Variants in TMEFF2 observed in about 807,000 individuals in gnomAD.
The protein encoded by TMEFF2 is transmembrane protein with EGF like and two follistatin like domains 2, also known as tomoregulin-2.
TMEFF2 carries 28 observed loss-of-function variants against 53.8 expected under a neutral mutation model. The ratio of observed to expected loss-of-function variants is 0.52; its 90% CI spans 0.39 to 0.71. The LOEUF is 0.71. Ranked by LOEUF, TMEFF2 falls within the 30% of genes least tolerant of loss-of-function variation. The pLI is 0.00. For synonymous variants in TMEFF2, 162 were observed against 166.3 expected, an observed-to-expected ratio of 0.97 and a Z score of 0.20; for missense variants, 353 against 455.2, an observed-to-expected ratio of 0.78 and a Z score of 2.04.
intron 7 of TMEFF2, among the ~76,000 whole-genome samples, chr2:191,974,328 G>A (rs1194738994): frequency 6.6e-6 from 1 of 152,078 alleles, no homozygotes; most frequent in Non-Finnish European, 1.5e-5. Context: ...AGTTGAGTCT[G>A]TAGGTACAGT....
rs535459438 is a variant in TMEFF2, at chr2:192,039,045, G to GC, written c.536+18633dup. 2.6e-3 allele frequency among the ~76,000 whole-genome samples: 398 copies of GC among 150,998 alleles called. 3 individuals are homozygous for GC. The highest frequency in any genetic ancestry group is 0.012 in the South Asian group (59 of 4,764). Reference sequence around the variant, plus strand: ...GGTCCTTAATGCAAAGATATTTCCCGCCCCCCCCATCTAACTTAACATTAT... The same window carrying GC: ...GGTCCTTAATGCAAAGATATTTCCCGCCCCCCCCCATCTAACTTAACATTAT... On this transcript the variant is annotated intron_variant, in intron 5 of 9. Transcript: ENST00000272771.
intron 4 of TMEFF2, among the ~76,000 whole-genome samples, chr2:192,068,121 A>G (rs2105913150): frequency 6.6e-6 from 1 of 152,020 alleles, no homozygotes; most frequent in East Asian, 1.9e-4. Flanking sequence ...TTACTTGTAA[A>G]ATGAGATGCC....
intron 4 of TMEFF2, among the ~76,000 whole-genome samples, chr2:192,158,008 C>A (rs369572160): frequency 6.6e-6 from 1 of 152,050 alleles, no homozygotes; most frequent in South Asian, 2.1e-4. Flanking sequence ...GTGGTACAAT[C>A]CTTAGAGGCA....
intron 4 of TMEFF2, among the ~76,000 whole-genome samples, chr2:192,065,706 C>T (rs1338497395): frequency 6.6e-6 from 1 of 151,212 alleles, no homozygotes; most frequent in Non-Finnish European, 1.5e-5. Flanking sequence ...TCTGTTGTAG[C>T]TAAAATGACT....
At position 191,950,342 on chromosome 2, in the gene TMEFF2, T is replaced by C; in HGVS notation, c.1094A>G (p.Asn365Ser). The change falls in exon 10 of 10, where the codon AAT becomes AGT. Residue 365 changes from asparagine (N) to serine (S), a missense_variant. Around this residue, in one of 3 missense-constraint regions of TMEFF2, gnomAD observed 294 missense variants for 397.3 expected, o/e 0.74. Coordinates refer to ENST00000272771, the MANE Select transcript of TMEFF2 (RefSeq NM_016192.4). Reference protein sequence around the residue: ...KQNTGHYSSDNTTRASTRLI With the variant: ...KQNTGHYSSDSTTRASTRLI ...TAACCTCGTGGACGCTCTTGTTGTA[T>C]TGTCTGAACTGTAGTGCCCTGTATT... is the stretch of plus-strand genomic sequence containing the variant. 1 of 1,613,868 alleles carries C rather than the reference T, an allele frequency of 6.2e-7. No homozygotes were observed. The highest frequency in any genetic ancestry group is 8.5e-7 in the Non-Finnish European group (1 of 1,179,858).
At chr2:191,998,729 TAATA>T (rs1686283860) in intron 6 of TMEFF2, among the ~76,000 whole-genome samples, 1 of 152,054 alleles carries the variant, frequency 6.6e-6, no homozygotes, top group Non-Finnish European at 1.5e-5. Flanking sequence ...CAAGGATGTC[TAATA>T]AATTCTTAGA....
intron 4 of TMEFF2, among the ~76,000 whole-genome samples, chr2:192,097,288 A>G (rs1283847198): frequency 6.6e-6 from 1 of 152,262 alleles, no homozygotes; most frequent in East Asian, 1.9e-4. Flanking sequence ...ACAGAAGTAC[A>G]TAGATTTGGT....
chr2:192,181,017 A>G (rs569702590), intron 3 of TMEFF2, among the ~76,000 whole-genome samples: 144 of 151,976 alleles, frequency 9.5e-4, no homozygotes, highest in African/African-American at 3.4e-3. Flanking sequence ...AATTGGTAAA[A>G]TAATTTATGA....
intron 4 of TMEFF2, among the ~76,000 whole-genome samples, chr2:192,066,830 T>C (rs762399303): frequency 5.3e-5 from 8 of 151,852 alleles, no homozygotes; most frequent in Non-Finnish European, 1.0e-4. Flanking sequence ...TTCATGAAAA[T>C]ATATCATATC....
At chr2:191,992,588 A>G (rs1313744495) in intron 7 of TMEFF2, 1 of 152,074 alleles carries the variant, frequency 6.6e-6, no homozygotes, top group Non-Finnish European at 1.5e-5. Context: ...TTGGGTTGAC[A>G]TAGAAGAAAT....
At chr2:192,122,989 C>T (rs969507759) in intron 4 of TMEFF2, among the ~76,000 whole-genome samples, 1 of 152,086 alleles carries the variant, frequency 6.6e-6, no homozygotes, top group African/African-American at 2.4e-5. Context: ...CTATAGCAGC[C>T]ATGCAATAAA....
chr2:192,164,892 C>T (rs1690722145), intron 4 of TMEFF2, among the ~76,000 whole-genome samples: 1 of 151,714 alleles, frequency 6.6e-6, no homozygotes, highest in Non-Finnish European at 1.5e-5. Flanking sequence ...TAATATTATG[C>T]TATGTTATCA....
intron 4 of TMEFF2, among the ~76,000 whole-genome samples, chr2:192,078,613 G>C (rs1369937348): frequency 6.6e-6 from 1 of 151,992 alleles, no homozygotes; most frequent in Non-Finnish European, 1.5e-5. Flanking sequence ...TTATTTGTGG[G>C]GAATTCAGGC....
intron 4 of TMEFF2, among the ~76,000 whole-genome samples, chr2:192,100,315 C>T (rs974394491): frequency 3.3e-5 from 5 of 152,126 alleles, no homozygotes; most frequent in Non-Finnish European, 5.9e-5. Context: ...GAAAGCCTTG[C>T]CTCATGCCTG....
At chr2:192,047,017 T>C (rs1687639906) in intron 5 of TMEFF2, among the ~76,000 whole-genome samples, 2 of 152,018 alleles carry the variant, frequency 1.3e-5, no homozygotes, top group Non-Finnish European at 2.9e-5. Flanking sequence ...GCCTCCCAGG[T>C]TCAGGCAATT....
At chr2:191,960,135 A>G (rs930486376) in intron 7 of TMEFF2, among the ~76,000 whole-genome samples, 3 of 152,122 alleles carry the variant, frequency 2.0e-5, no homozygotes, top group Non-Finnish European at 4.4e-5. Flanking sequence ...AGCCTCCCAA[A>G]GTGCTGGGAT....
At chr2:191,981,352 C>T (rs565704001) in intron 7 of TMEFF2, among the ~76,000 whole-genome samples, 4 of 151,988 alleles carry the variant, frequency 2.6e-5, no homozygotes, top group Admixed American at 1.3e-4. Context: ...CTCTTCTCTG[C>T]CAGGCACACT....
chr2:192,001,302 G>A (rs1010841026), intron 5 of TMEFF2, among the ~76,000 whole-genome samples: 5 of 151,600 alleles, frequency 3.3e-5, no homozygotes, highest in Middle Eastern at 3.4e-3. Flanking sequence ...GGGCTTTGAC[G>A]GTATATCCAA....
At chr2:192,120,607 C>G (rs945328723) in intron 4 of TMEFF2, among the ~76,000 whole-genome samples, 4 of 152,152 alleles carry the variant, frequency 2.6e-5, no homozygotes, top group Non-Finnish European at 5.9e-5. Flanking sequence ...ATTGATAACG[C>G]CAATAAAACT....
Sources: gnomAD v4.1 joint callset for allele counts (sites outside exome capture counted in the v4.1 genomes callset) on GRCh38, gnomAD v4.1.1 for gene constraint, gnomAD v4.1.1 regional missense constraint, MANE v1.5 for transcripts, NCBI Gene and HGNC (gene_info 2026-07-23, HGNC 2026-07-21) for gene names.